NRCAM: variants seen among roughly 807,000 people sequenced by gnomAD.
NRCAM encodes the protein NgCAM-related cell adhesion molecule.
A neutral mutation model predicts 156.5 loss-of-function variants in NRCAM; 83 were observed. The ratio of observed to expected loss-of-function variants is 0.53; its 90% CI spans 0.44 to 0.64. The LOEUF (loss-of-function observed/expected upper bound fraction) is 0.64, where lower values mean the gene tolerates loss of function less well. Among genes scored for constraint, NRCAM ranks in the 30% least tolerant of loss-of-function variants. NRCAM has a pLI of 0.00. For missense variants in NRCAM, 1,417 were observed against 1,597.3 expected (o/e 0.89, Z 1.92); for synonymous variants, 538 against 563.9 (o/e 0.95, Z 0.65).
chr7:108,155,406 CA>C (rs2044712945), intron 32 of NRCAM, among the ~76,000 whole-genome samples: 1 of 151,868 alleles, frequency 6.6e-6, no homozygotes, highest in African/African-American at 2.4e-5. Context: ...AGTATTGATA[CA>C]ATATCAAGTA....
At position 108,335,456 on chromosome 7, in the gene NRCAM, T is replaced by TC. The variant is rs1458823915; in HGVS notation, c.-173-22726_-173-22725insG. Among the ~76,000 whole-genome samples, 7 of 143,804 alleles carry TC rather than the reference T, an allele frequency of 4.9e-5. No individual in the cohort carries two copies. The South Asian group carries it at 1.6e-3, about 33-fold the overall frequency. The allele number at this position is 143,804 out of a possible 152,430, so 94.3% of individuals were successfully genotyped here. ...CTGCTTTTTTTTTTTTTTTTTTTTT[T>TC]TTTCAGTTTTCACTGCAAAGACAAG... On this transcript the variant is annotated intron_variant, in intron 2 of 32. Transcript: ENST00000379028.
intron 13 of NRCAM, among the ~76,000 whole-genome samples, chr7:108,200,916 A>G (rs1047802755): frequency 3.3e-5 from 5 of 152,174 alleles, no homozygotes; most frequent in African/African-American, 7.2e-5. Context: ...GTTCTCACTC[A>G]TAAGTGGGAG....
intron 2 of NRCAM, among the ~76,000 whole-genome samples, chr7:108,393,219 T>C (rs958232233): frequency 3.3e-5 from 5 of 152,120 alleles, no homozygotes; most frequent in Admixed American, 1.3e-4. Context: ...TCTACCCAGT[T>C]CGAGCTTCCC....
chr7:108,242,413 A>G (rs1033173789), intron 3 of NRCAM, among the ~76,000 whole-genome samples: 14 of 152,190 alleles, frequency 9.2e-5, no homozygotes, highest in African/African-American at 3.4e-4. Flanking sequence ...ATATCCATTA[A>G]GCATTGAGAC....
rs145872612 is a variant in NRCAM, at chr7:108,200,129, C to T, written c.1208-2030G>A. 4.6e-5 allele frequency among the ~76,000 whole-genome samples: 7 copies of T among 152,256 alleles called. No homozygotes were observed. In the East Asian group the frequency reaches 7.7e-4, roughly 17 times the overall value. On this transcript the variant is annotated intron_variant, in intron 13 of 32. Transcript: ENST00000379028. The stretch of plus-strand genomic sequence containing the variant: ...ATTTATGAAATCATCTTAGATACTC[C>T]AGGTTGTTCAACTAGTTATGTGGGG...
At chr7:108,227,447 C>T (rs773061810) in intron 8 of NRCAM, among the ~76,000 whole-genome samples, 6 of 152,266 alleles carry the variant, frequency 3.9e-5, no homozygotes, top group African/African-American at 1.2e-4. Context: ...TAGACAGTTA[C>T]GATTTCTTTG....
intron 1 of NRCAM, among the ~76,000 whole-genome samples, chr7:108,426,183 T>C (rs1045119056): frequency 6.6e-6 from 1 of 152,258 alleles, no homozygotes; most frequent in Admixed American, 6.5e-5. Flanking sequence ...AATGTGGTTA[T>C]GTGTCTAATT....
intron 30 of NRCAM, among the ~76,000 whole-genome samples, chr7:108,164,313 T>C (rs1465302952): frequency 1.3e-5 from 2 of 152,050 alleles, no homozygotes; most frequent in Non-Finnish European, 2.9e-5. Context: ...TGTTTTTCAG[T>C]TTGTGCCATA....
In NRCAM at chr7:108,168,286, C is replaced by T. The variant is rs1239216678; in HGVS notation, c.3304G>A (p.Val1102Ile). The T allele has an allele frequency of 1.9e-6, 3 of 1,574,840 alleles. No individual in the cohort carries two copies. The highest frequency in any genetic ancestry group is 1.4e-5 in the African/African-American group (1 of 73,100). The change falls in exon 29 of 33, where the codon GTA becomes ATA. Residue 1102 changes from valine to isoleucine, a missense_variant. Physicochemically the swap from Val to Ile is conservative, Grantham distance 29. Coordinates refer to ENST00000379028, the MANE Select transcript of NRCAM (RefSeq NM_001037132.4). Reference sequence around the variant, plus strand: ...TGAAATTGTTTCTTACTGCCTGCTACACCATATTCAACATAAAAGTTCACA... The same window carrying T: ...TGAAATTGTTTCTTACTGCCTGCTATACCATATTCAACATAAAAGTTCACA... ...EHVNFYVEYG[V>I]AGSKEEWRKE...
chr7:108,189,254 A>T (rs140676334), intron 20 of NRCAM, among the ~76,000 whole-genome samples: 69 of 152,318 alleles, frequency 4.5e-4, no homozygotes, highest in African/African-American at 1.6e-3. Flanking sequence ...ATCAAGTATC[A>T]GTTTCCTAAT....
chr7:108,372,451 C>T (rs2099634542), intron 2 of NRCAM, among the ~76,000 whole-genome samples: 1 of 152,044 alleles, frequency 6.6e-6, no homozygotes, highest in Non-Finnish European at 1.5e-5. Flanking sequence ...ATCTGCAAAC[C>T]ATTTGCCCGA....
chr7:108,163,038 C>A (rs1391447682), intron 30 of NRCAM, among the ~76,000 whole-genome samples: 4 of 151,928 alleles, frequency 2.6e-5, no homozygotes, highest in Admixed American at 1.3e-4. Flanking sequence ...CACACATATA[C>A]CCCACAGAGA....
chr7:108,222,201 A>G (rs188479974), intron 11 of NRCAM, among the ~76,000 whole-genome samples: 32 of 152,332 alleles, frequency 2.1e-4, no homozygotes, highest in African/African-American at 7.7e-4. Context: ...AGATGAAAGC[A>G]TAGTTTCATA....
chr7:108,303,672 G>A (rs1276506224), intron 3 of NRCAM, among the ~76,000 whole-genome samples: 1 of 151,950 alleles, frequency 6.6e-6, no homozygotes, highest in Non-Finnish European at 1.5e-5. Flanking sequence ...CAAGGCACTT[G>A]GAGTGTATCT....
intron 3 of NRCAM, among the ~76,000 whole-genome samples, chr7:108,284,329 T>C (rs1033090540): frequency 6.6e-6 from 1 of 152,174 alleles, no homozygotes; most frequent in African/African-American, 2.4e-5. Context: ...GGTGAGTCTC[T>C]CTTCTCAACC....
chr7:108,372,134 C>A (rs1445134071), intron 2 of NRCAM, among the ~76,000 whole-genome samples: 2 of 152,080 alleles, frequency 1.3e-5, no homozygotes, highest in African/African-American at 4.8e-5. Flanking sequence ...TTATCTTCAG[C>A]AAATGGTGCT....
chr7:108,344,560 AT>A (rs2099330524), intron 2 of NRCAM, among the ~76,000 whole-genome samples: 1 of 152,118 alleles, frequency 6.6e-6, no homozygotes, highest in Admixed American at 6.5e-5. Flanking sequence ...TCCATAACTC[AT>A]TTTTTGCTGC....
At chr7:108,374,119 C>T (rs2099648400) in intron 2 of NRCAM, among the ~76,000 whole-genome samples, 1 of 152,100 alleles carries the variant, frequency 6.6e-6, no homozygotes, top group Non-Finnish European at 1.5e-5. Flanking sequence ...CTGACATAAC[C>T]TAATACTTAG....
intron 2 of NRCAM, among the ~76,000 whole-genome samples, chr7:108,320,612 AATTAT>A (rs1018441256): frequency 1.3e-5 from 2 of 152,226 alleles, no homozygotes; most frequent in African/African-American, 4.8e-5. Context: ...TGATTAAATA[AATTAT>A]ATTAAACTTC....
Sources: allele counts gnomAD v4.1 joint callset (sites outside exome capture counted in the v4.1 genomes callset), GRCh38; gene constraint gnomAD v4.1.1; transcripts MANE v1.5; gene names NCBI Gene and HGNC (gene_info 2026-07-23, HGNC 2026-07-21).